The following VWA8 variants were observed in gnomAD, a reference collection of about 807,000 sequenced individuals.
The protein encoded by VWA8 is von Willebrand factor A domain containing 8.
VWA8 carries 221 observed loss-of-function variants against 241.5 expected under a neutral mutation model. The ratio of observed to expected loss-of-function variants is 0.91; its 90% CI spans 0.82 to 1.02. The LOEUF is 1.02. Ranked by LOEUF, VWA8 falls within the 50% of genes least tolerant of loss-of-function variation. The probability of loss-of-function intolerance (pLI) is 0.00; values close to 1 mark genes in which losing one functional copy is unlikely to be tolerated. For synonymous variants in VWA8, 852 were observed against 827.1 expected (o/e 1.03, Z -0.52); for missense variants, 2,322 against 2,328.7 (o/e 1.00, Z 0.06).
In VWA8 at chr13:41,675,307, G is replaced by A; in HGVS notation, c.4328-11C>T. On this transcript the variant is annotated splice_polypyrimidine_tract_variant and intron_variant, in intron 35 of 44. Transcript: ENST00000379310. ...GTGGAGGAGTAACATCTACAAACAA[G>A]TCATGACATGAGCCAAGTATTAAAT... 1 of 1,595,778 alleles carries A rather than the reference G, an allele frequency of 6.3e-7. No individual in the cohort carries two copies. Among genetic ancestry groups the A allele is most frequent in the South Asian group, 1.1e-5 (1 of 89,376 alleles).
intron 2 of VWA8, among the ~76,000 whole-genome samples, chr13:41,941,823 A>G (rs1877616086): frequency 6.6e-6 from 1 of 152,218 alleles, no homozygotes; most frequent in African/African-American, 2.4e-5. Flanking sequence ...ACCCCTATAC[A>G]GTCAAGGAGG....
At chr13:41,608,735 T>C (rs1336751124) in intron 39 of VWA8, among the ~76,000 whole-genome samples, 2 of 152,200 alleles carry the variant, frequency 1.3e-5, no homozygotes, top group African/African-American at 4.8e-5. Flanking sequence ...TGTGTACATG[T>C]ACCTCATTGT....
chr13:41,914,188 A>G (rs1876146297), intron 2 of VWA8, among the ~76,000 whole-genome samples: 1 of 152,230 alleles, frequency 6.6e-6, no homozygotes, highest in South Asian at 2.1e-4. Flanking sequence ...GTGAGACTCC[A>G]TCTCTAAAAG....
At chr13:41,687,993 G>A (rs1453366795) in intron 34 of VWA8, among the ~76,000 whole-genome samples, 1 of 151,992 alleles carries the variant, frequency 6.6e-6, no homozygotes, top group African/African-American at 2.4e-5. Context: ...GTAATTAGAA[G>A]ATCAATTTTT....
intron 36 of VWA8, among the ~76,000 whole-genome samples, chr13:41,671,546 C>G (rs907939278): frequency 5.9e-5 from 9 of 151,620 alleles, no homozygotes; most frequent in Admixed American, 4.6e-4. Flanking sequence ...GTATCCGCAT[C>G]CCCCCGCCCG....
intron 20 of VWA8, among the ~76,000 whole-genome samples, chr13:41,766,185 T>G (rs2045777805): frequency 6.6e-6 from 1 of 152,154 alleles, no homozygotes; most frequent in Non-Finnish European, 1.5e-5. Context: ...TTCCTCAGGT[T>G]TATTATTTTA....
intron 26 of VWA8, among the ~76,000 whole-genome samples, chr13:41,714,324 G>GT (rs1229360941): frequency 1.3e-5 from 2 of 151,884 alleles, no homozygotes; most frequent in Non-Finnish European, 2.9e-5. Context: ...GAAGTAAGTA[G>GT]TTTAACATCA....
chr13:41,749,702 G>GT (rs2045639309), intron 21 of VWA8, among the ~76,000 whole-genome samples: 1 of 152,116 alleles, frequency 6.6e-6, no homozygotes, highest in African/African-American at 2.4e-5. Flanking sequence ...CATGTCCTTC[G>GT]TAGGGACATG....
intron 36 of VWA8, among the ~76,000 whole-genome samples, chr13:41,672,219 T>C (rs2045030720): frequency 6.6e-6 from 1 of 152,228 alleles, no homozygotes; most frequent in Admixed American, 6.5e-5. Flanking sequence ...GAAAGTTACG[T>C]GACTCTATAA....
intron 1 of VWA8, 107 bp downstream of exon 1, chr13:41,960,746 G>C (rs1295004734): frequency 1.5e-6 from 2 of 1,374,238 alleles, no homozygotes; most frequent in Non-Finnish European, 9.5e-7. Context: ...CTCGGCAAAC[G>C]GTCCTTCCAA....
intron 2 of VWA8, 21 bp downstream of exon 2, chr13:41,949,915 A>C (rs1443988504): frequency 1.4e-6 from 2 of 1,417,434 alleles, no homozygotes. Context: ...ATTCATTCAT[A>C]TATTAATAAA....
chr13:41,833,021 C>G (rs1384305672), intron 13 of VWA8, among the ~76,000 whole-genome samples: 1 of 151,936 alleles, frequency 6.6e-6, no homozygotes, highest in African/African-American at 2.4e-5. Flanking sequence ...AATACTGAAG[C>G]TGTGACTCTG....
chr13:41,778,141 TA>T, intron 19 of VWA8, 85 bp from the exon 20 acceptor site: 2 of 836,894 alleles, frequency 2.4e-6, no homozygotes, highest in South Asian at 2.5e-5. Context: ...CTTTATAGAA[TA>T]TAAATATCTA....
chr13:41,859,866 C>G (rs1221359131), intron 12 of VWA8, among the ~76,000 whole-genome samples: 1 of 152,202 alleles, frequency 6.6e-6, no homozygotes, highest in East Asian at 1.9e-4. Context: ...TAGCTTTATA[C>G]ATGTACAAAT....
chr13:41,588,489 G>A (rs974713154), intron 41 of VWA8, among the ~76,000 whole-genome samples: 10 of 152,208 alleles, frequency 6.6e-5, no homozygotes, highest in South Asian at 2.1e-4. Context: ...GGGAGGCCAA[G>A]GTGGGAGAAC....
chr13:41,656,667 T>C (rs1163147803), intron 37 of VWA8, among the ~76,000 whole-genome samples: 2 of 152,182 alleles, frequency 1.3e-5, no homozygotes, highest in East Asian at 3.9e-4. Context: ...TATATCACCA[T>C]TGGCCTAATT....
At chr13:41,739,848 G>GTTTTTTTTTTTTTTTTTTTTT (rs1179107917) in intron 21 of VWA8, among the ~76,000 whole-genome samples, 16 of 50,912 alleles carry the variant, frequency 3.1e-4, no homozygotes, top group South Asian at 8.0e-4. Flanking sequence ...TGTTTTTTTT[G>GTTTTTTTTTTTTTTTTTTTTT]TTTTTTTTGT....
intron 9 of VWA8, among the ~76,000 whole-genome samples, chr13:41,871,141 T>C (rs191009140): frequency 9.1e-4 from 138 of 152,282 alleles, no homozygotes; most frequent in Non-Finnish European, 1.6e-3. Flanking sequence ...AACTACTTCT[T>C]ATCAACATCA....
chr13:41,943,568 A>G (rs1372836301), intron 2 of VWA8, among the ~76,000 whole-genome samples: 1 of 152,226 alleles, frequency 6.6e-6, no homozygotes, highest in African/African-American at 2.4e-5. Flanking sequence ...AAAGATATCA[A>G]TGAGAAAATG....
Sources: allele counts gnomAD v4.1 joint callset (sites outside exome capture counted in the v4.1 genomes callset), GRCh38; gene constraint gnomAD v4.1.1; transcripts MANE v1.5; gene names NCBI Gene and HGNC (gene_info 2026-07-23, HGNC 2026-07-21).